The following TAS2R1 variants were observed in gnomAD, a reference collection of about 807,000 sequenced individuals.
The protein encoded by TAS2R1 is taste receptor type 2 member 1.
For synonymous variants in TAS2R1, 141 were observed against 134.2 expected, an observed-to-expected ratio of 1.05 and a Z score of -0.35; for missense variants, 370 against 353.4, an observed-to-expected ratio of 1.05 and a Z score of -0.38.
chr5:9,734,379 T>C, the TAS2R1 span, among the ~76,000 whole-genome samples: 20 of 152,176 alleles, frequency 1.3e-4, no homozygotes, highest in Non-Finnish European at 2.6e-4. Context: ...CCCTCTCCCT[T>C]TTTTGGGGAA....
intron 1 of TAS2R1, among the ~76,000 whole-genome samples, chr5:9,708,233 G>A (rs1048170281): frequency 2.3e-4 from 35 of 152,284 alleles, no homozygotes; most frequent in African/African-American, 7.2e-4. Flanking sequence ...CAGAGGGAGC[G>A]TATCCTAGCG....
At chr5:9,786,407 T>C in the TAS2R1 span, among the ~76,000 whole-genome samples, 2 of 152,206 alleles carry the variant, frequency 1.3e-5, no homozygotes, top group Admixed American at 6.5e-5. Flanking sequence ...TAAACTTTGG[T>C]ACACAAAGTA....
intron 1 of TAS2R1, among the ~76,000 whole-genome samples, chr5:9,688,199 G>A (rs1741165728): frequency 1.3e-5 from 2 of 152,180 alleles, no homozygotes; most frequent in South Asian, 2.1e-4. Context: ...GACATAGTGT[G>A]TCTATTTAGA....
chr5:9,812,133 A>G, the TAS2R1 span, among the ~76,000 whole-genome samples: 2 of 151,948 alleles, frequency 1.3e-5, no homozygotes, highest in African/African-American at 4.8e-5. Context: ...GTTTATCTGT[A>G]TTGTCCTTCA....
the TAS2R1 span, among the ~76,000 whole-genome samples, chr5:9,860,323 G>A: frequency 6.6e-6 from 1 of 152,160 alleles, no homozygotes; most frequent in Admixed American, 6.5e-5. Context: ...CTCTCAGCCT[G>A]TGCTGCCTCC....
the TAS2R1 span, among the ~76,000 whole-genome samples, chr5:9,864,632 C>CA: frequency 0.038 from 4,648 of 122,208 alleles, 221 homozygotes; most frequent in African/African-American, 0.11. Flanking sequence ...AGACTCCACT[C>CA]AAAAAAAAAA....
the TAS2R1 span, among the ~76,000 whole-genome samples, chr5:9,830,381 A>G: frequency 6.6e-6 from 1 of 151,938 alleles, no homozygotes; most frequent in Admixed American, 6.5e-5. Flanking sequence ...GGTGGATGAT[A>G]GGTATATGAC....
the TAS2R1 span, among the ~76,000 whole-genome samples, chr5:9,739,107 G>C: frequency 7.9e-5 from 12 of 152,184 alleles, no homozygotes; most frequent in African/African-American, 2.9e-4. Context: ...CTTTATTAAT[G>C]GGAGCTTGGT....
At chr5:9,733,763 A>T in the TAS2R1 span, among the ~76,000 whole-genome samples, 621 of 152,300 alleles carry the variant, frequency 4.1e-3, 3 homozygotes, top group African/African-American at 0.014. Context: ...AGCTTGCTTC[A>T]TATCACAAGT....
intron 1 of TAS2R1, among the ~76,000 whole-genome samples, chr5:9,667,054 T>C (rs145238055): frequency 6.6e-6 from 1 of 152,236 alleles, no homozygotes; most frequent in African/African-American, 2.4e-5. Context: ...ACATGAGACA[T>C]GAAATATTTT....
At chr5:9,771,142 G>C in the TAS2R1 span, among the ~76,000 whole-genome samples, 1 of 152,132 alleles carries the variant, frequency 6.6e-6, no homozygotes, top group Admixed American at 6.5e-5. Flanking sequence ...TTCAGCATCA[G>C]TTGAAATGAT....
At chr5:9,784,374 G>T in the TAS2R1 span, among the ~76,000 whole-genome samples, 1 of 152,120 alleles carries the variant, frequency 6.6e-6, no homozygotes, top group Non-Finnish European at 1.5e-5. Context: ...AGGTCCATAT[G>T]CCAGAAAATA....
chr5:9,661,096 T>G (rs1229739995), intron 1 of TAS2R1, among the ~76,000 whole-genome samples: 2 of 152,218 alleles, frequency 1.3e-5, no homozygotes, highest in African/African-American at 4.8e-5. Flanking sequence ...ATAATAATTT[T>G]TTGTTGTTTT....
At chr5:9,758,789 G>A in the TAS2R1 span, among the ~76,000 whole-genome samples, 1 of 152,198 alleles carries the variant, frequency 6.6e-6, no homozygotes, top group African/African-American at 2.4e-5. Context: ...CCCATGAGGT[G>A]CACTTGTCCC....
At chr5:9,845,098 T>C in the TAS2R1 span, among the ~76,000 whole-genome samples, 2 of 152,140 alleles carry the variant, frequency 1.3e-5, no homozygotes, top group African/African-American at 4.8e-5. Flanking sequence ...TGATGGTATT[T>C]GGAGGTGGAA....
At chr5:9,876,275 A>G in the TAS2R1 span, among the ~76,000 whole-genome samples, 1 of 152,176 alleles carries the variant, frequency 6.6e-6, no homozygotes, top group Non-Finnish European at 1.5e-5. Flanking sequence ...ATATGTAGCA[A>G]TGTCCCAAAA....
chr5:9,657,866 A>T (rs1740445193), intron 2 of TAS2R1, among the ~76,000 whole-genome samples: 2 of 152,242 alleles, frequency 1.3e-5, no homozygotes, highest in African/African-American at 4.8e-5. Flanking sequence ...CACTGAAAAA[A>T]GATTAAAATG....
chr5:9,893,021 A>G, the TAS2R1 span, among the ~76,000 whole-genome samples: 5 of 152,150 alleles, frequency 3.3e-5, no homozygotes, highest in East Asian at 1.9e-4. Context: ...TAAACTACCA[A>G]TGACTGCACC....
chr5:9,741,719 GA>G, the TAS2R1 span, among the ~76,000 whole-genome samples: 1 of 152,104 alleles, frequency 6.6e-6, no homozygotes, highest in East Asian at 1.9e-4. Flanking sequence ...AAACCAGGCT[GA>G]ACAGCCCCAG....
Sources: allele counts gnomAD v4.1 joint callset (sites outside exome capture counted in the v4.1 genomes callset), GRCh38; gene constraint gnomAD v4.1.1; transcripts MANE v1.5; gene names NCBI Gene and HGNC (gene_info 2026-07-23, HGNC 2026-07-21).